Variants in CGAS observed in about 807,000 individuals in gnomAD.
CGAS encodes cyclic GMP-AMP synthase.
In CGAS, 31 loss-of-function variants were observed where a neutral mutation model predicts 34.0. The ratio of observed to expected loss-of-function variants is 0.91; its 90% CI spans 0.69 to 1.23. The LOEUF (loss-of-function observed/expected upper bound fraction) is 1.23, where lower values mean the gene tolerates loss of function less well. CGAS is among the 50% of genes most tolerant of loss of function. The pLI, the probability that CGAS is intolerant of heterozygous loss-of-function variation, is 0.00. For synonymous variants in CGAS, 266 were observed against 260.0 expected, an observed-to-expected ratio of 1.02 and a Z score of -0.22; for missense variants, 597 against 657.6, an observed-to-expected ratio of 0.91 and a Z score of 1.01.
chr6:73,445,598 T>C lies in CGAS; in HGVS notation c.807A>G (p.Glu269=), dbSNP rs749283693. ...ACAGCATCTTAGAAGCTGATAATAT[T>C]TCACCTTCTAAAAACTGACTCAGAG... is the stretch of plus-strand genomic sequence containing the variant. ...ENPLSQFLEG[E]ILSASKMLSK... is the part of the protein sequence containing the mutation. Residue 269 remains glutamate (E), a synonymous_variant, in exon 2 of 5, where the codon GAA becomes GAG. Coordinates refer to ENST00000370315, the MANE Select transcript of CGAS (RefSeq NM_138441.3). The C allele has an allele frequency of 1.9e-6, 3 of 1,611,878 alleles. No homozygotes were observed. Among genetic ancestry groups the C allele is most frequent in the African/African-American group, 2.7e-5 (2 of 74,858 alleles).
chr6:73,426,705 T>A (rs1419918250), intron 4 of CGAS, among the ~76,000 whole-genome samples: 1 of 152,046 alleles, frequency 6.6e-6, no homozygotes, highest in Non-Finnish European at 1.5e-5. Context: ...TTTTCTTTTC[T>A]AAAATCCACT....
intron 3 of CGAS, among the ~76,000 whole-genome samples, chr6:73,432,810 G>A (rs3013725): frequency 0.59 from 89,785 of 151,932 alleles, 26,857 homozygotes; most frequent in South Asian, 0.66. Flanking sequence ...TTGGCCAGGC[G>A]CGGTGGCTCA....
intron 4 of CGAS, 124 bp downstream of exon 4, chr6:73,428,585 C>G: frequency 1.3e-6 from 1 of 765,724 alleles, no homozygotes. Context: ...CTCCCCAGCT[C>G]AACCCAATCC....
At chr6:73,432,452 C>T (rs1770209550) in intron 3 of CGAS, among the ~76,000 whole-genome samples, 1 of 151,114 alleles carries the variant, frequency 6.6e-6, no homozygotes, top group Admixed American at 6.6e-5. Flanking sequence ...TGAGCCACCG[C>T]TCCCAGTCAT....
intron 3 of CGAS, among the ~76,000 whole-genome samples, chr6:73,432,792 A>G (rs1770213898): frequency 6.6e-6 from 1 of 152,082 alleles, no homozygotes; most frequent in African/African-American, 2.4e-5. Context: ...TTTTCATAAT[A>G]AAAAGTTTTG....
At chr6:73,425,638 A>G (rs1770073264) in intron 4 of CGAS, 60 bp from the exon 5 acceptor site, 1 of 1,154,848 alleles carries the variant, frequency 8.7e-7, no homozygotes, top group Non-Finnish European at 1.2e-6. Context: ...AAAGGATTTT[A>G]GGCATCTCAT....
At chr6:73,441,802 C>A (rs1770386134) in intron 2 of CGAS, among the ~76,000 whole-genome samples, 1 of 152,150 alleles carries the variant, frequency 6.6e-6, no homozygotes, top group South Asian at 2.1e-4. Flanking sequence ...GAAAAATCTG[C>A]AAACCTGGCC....
intron 2 of CGAS, among the ~76,000 whole-genome samples, chr6:73,444,177 A>G (rs1770429763): frequency 6.6e-6 from 1 of 151,792 alleles, no homozygotes; most frequent in Non-Finnish European, 1.5e-5. Context: ...TTTAGTATAG[A>G]TGGGGTTTCA....
intron 2 of CGAS, among the ~76,000 whole-genome samples, chr6:73,442,969 A>G (rs1410224559): frequency 6.6e-6 from 1 of 151,538 alleles, no homozygotes; most frequent in African/African-American, 2.4e-5. Flanking sequence ...GGCTCAAGCA[A>G]TCCTTCTGCC....
intron 3 of CGAS, among the ~76,000 whole-genome samples, chr6:73,437,716 G>C (rs1283483820): frequency 6.6e-6 from 1 of 151,874 alleles, no homozygotes; most frequent in African/African-American, 2.4e-5. Flanking sequence ...TATATCCTTG[G>C]TAATAAAACT....
intron 4 of CGAS, among the ~76,000 whole-genome samples, chr6:73,426,575 G>A (rs2150808451): frequency 6.6e-6 from 1 of 150,496 alleles, no homozygotes; most frequent in South Asian, 2.1e-4. Flanking sequence ...CTGGGATGCA[G>A]TGATACAATC....
rs377097470 is a variant in CGAS at position 73,425,490 on chromosome 6, A to G, written c.1306T>C (p.Tyr436His). The G allele has an allele frequency of 6.4e-5, 103 of 1,613,742 alleles. No individual in the cohort carries two copies. Among genetic ancestry groups the G allele is most frequent in the Middle Eastern group, 1.6e-4 (1 of 6,084 alleles). ...TGAAAGAAGGCAGTTTTCACATGAT[A>G]AGAAGAGAATTTATCCAGATGTTTT... ...DKKHLDKFSSYHVKTAFFHVC... is the reference protein window; with the variant it reads ...DKKHLDKFSSHHVKTAFFHVC... The change falls in exon 5 of 5, where the codon TAT becomes CAT. Residue 436 changes from tyrosine to histidine, a missense_variant. This residue lies in a region of CGAS where 271 missense variants were observed against 324.1 expected (regional missense o/e 0.84). Transcript: ENST00000370315.
rs1770040187 is a variant in CGAS, at chr6:73,424,054, G to A, written c.*1173C>T. ...TAAAATAAAAAAAGTGTTACTGAAA[G>A]TAAAAATAAATAGATAACAGAAAAT... On this transcript the variant is annotated 3_prime_UTR_variant, in exon 5 of 5. Coordinates refer to ENST00000370315, the MANE Select transcript of CGAS (RefSeq NM_138441.3). 1 of 152,252 alleles carries A rather than the reference G, an allele frequency of 6.6e-6. No individual in the cohort carries two copies. Among genetic ancestry groups the A allele is most frequent in the East Asian group, 1.9e-4 (1 of 5,182 alleles). 9.4% of individuals were successfully genotyped at this position (152,252 alleles called of 1,614,324 possible). A position where few individuals can be genotyped will look rare whatever the true frequency, so the allele number is the denominator to read the frequency against.
At chr6:73,448,353 C>T (rs1464107340) in intron 1 of CGAS, among the ~76,000 whole-genome samples, 2 of 152,026 alleles carry the variant, frequency 1.3e-5, no homozygotes, top group East Asian at 1.9e-4. Flanking sequence ...AGGCCACCCA[C>T]GCCATTGTAC....
intron 1 of CGAS, among the ~76,000 whole-genome samples, chr6:73,446,719 A>T (rs1770478081): frequency 2.5e-4 from 1 of 3,986 alleles, no homozygotes; most frequent in African/African-American, 1.2e-3. Flanking sequence ...GGGGCGACAG[A>T]GCGAGACTCC....
At chr6:73,450,287 T>A (rs1211292808) in intron 1 of CGAS, among the ~76,000 whole-genome samples, 1 of 151,620 alleles carries the variant, frequency 6.6e-6, no homozygotes, top group Non-Finnish European at 1.5e-5. Context: ...TGGAGGCTCA[T>A]GCTTGTAATC....
intron 2 of CGAS, 94 bp from the exon 3 acceptor site, chr6:73,440,539 G>T: frequency 9.1e-7 from 1 of 1,100,010 alleles, no homozygotes; most frequent in East Asian, 2.4e-5. Flanking sequence ...GAAGATCTCT[G>T]GTGTGCTAAG....
At position 73,451,652 on chromosome 6, in the gene CGAS, T is replaced by C. The variant is rs774244760; in HGVS notation, c.530A>G (p.Asp177Gly). The change falls in exon 1 of 5, where the codon GAT becomes GGT. Residue 177 changes from aspartate to glycine, a missense_variant. Asp to Gly is a moderately conservative substitution (Grantham distance 94). Transcript: ENST00000370315. ...AVLEKLKLSR[D>G]DISTAAGMVK... ...CATCCCCGCCGCCGTGGAGATATCA[T>C]CGCGGCTGAGCTTCAACTTCTCCAA... 1.9e-6 allele frequency: 3 copies of C among 1,614,092 alleles called. No individual in the cohort carries two copies. Among genetic ancestry groups the C allele is most frequent in the Non-Finnish European group, 2.5e-6 (3 of 1,180,018 alleles).
chr6:73,435,896 AAAGT>A (rs1006161701), intron 3 of CGAS, among the ~76,000 whole-genome samples: 4 of 152,064 alleles, frequency 2.6e-5, no homozygotes, highest in African/African-American at 9.7e-5. Flanking sequence ...TACCTTTTTC[AAAGT>A]AATACCAGTA....
Sources: allele counts gnomAD v4.1 joint callset (sites outside exome capture counted in the v4.1 genomes callset), GRCh38; gene constraint gnomAD v4.1.1; regional missense constraint gnomAD v4.1.1; transcripts MANE v1.5; gene names NCBI Gene and HGNC (gene_info 2026-07-23, HGNC 2026-07-21).